The following ELMOD1 variants were observed in gnomAD, a reference collection of about 807,000 sequenced individuals.
The protein encoded by ELMOD1 is ELMO domain containing 1.
Under a neutral mutation model 46.7 loss-of-function variants are expected in ELMOD1, and 21 were observed. The ratio of observed to expected loss-of-function variants is 0.45; its 90% CI spans 0.32 to 0.65. The LOEUF (loss-of-function observed/expected upper bound fraction) is 0.65. ELMOD1 is among the 30% of genes least tolerant of loss of function. The pLI is 0.04. For synonymous variants in ELMOD1, 122 were observed against 138.2 expected (o/e 0.88, Z 0.82); for missense variants, 348 against 407.8 (o/e 0.85, Z 1.26).
In ELMOD1 at chr11:107,665,233, C is replaced by T; in HGVS notation, c.*36C>T. ...CGGTTTTAATGGATACCCTGGAACA[C>T]TGCCTCATTGTCTTGTTAGATCTCT... is the stretch of plus-strand genomic sequence containing the variant. On this transcript the variant is annotated 3_prime_UTR_variant, in exon 12 of 12. Coordinates refer to ENST00000265840, the MANE Select transcript of ELMOD1 (RefSeq NM_018712.4). 1 of 1,601,220 alleles carries T rather than the reference C, an allele frequency of 6.2e-7. No homozygotes were observed. Among genetic ancestry groups the T allele is most frequent in the Non-Finnish European group, 8.5e-7 (1 of 1,171,750 alleles).
chr11:107,647,297 T>A (rs1455621347), intron 6 of ELMOD1, among the ~76,000 whole-genome samples, 171 bp from the exon 7 acceptor site: 1 of 152,150 alleles, frequency 6.6e-6, no homozygotes, highest in Non-Finnish European at 1.5e-5. Context: ...TGAAAGATGA[T>A]CACATCTTTT....
At chr11:107,642,563 G>T (rs1047819550) in intron 6 of ELMOD1, among the ~76,000 whole-genome samples, 3 of 151,936 alleles carry the variant, frequency 2.0e-5, no homozygotes, top group Admixed American at 6.6e-5. Context: ...TAGAGACGGG[G>T]TTTCACCGTC....
intron 1 of ELMOD1, chr11:107,591,687 T>A: frequency 2.8e-6 from 1 of 363,470 alleles, no homozygotes; most frequent in Non-Finnish European, 5.7e-6. Context: ...TGTTTGCATC[T>A]CGGCCCGGGC....
chr11:107,602,280 T>A (rs1404934348), intron 1 of ELMOD1, among the ~76,000 whole-genome samples: 1 of 152,210 alleles, frequency 6.6e-6, no homozygotes, highest in African/African-American at 2.4e-5. Flanking sequence ...CTTGTGAAAT[T>A]TCATCATAAT....
intron 11 of ELMOD1, among the ~76,000 whole-genome samples, chr11:107,661,491 A>G (rs1213185493): frequency 6.6e-6 from 1 of 152,356 alleles, no homozygotes; most frequent in East Asian, 1.9e-4. Context: ...ATGAAATACT[A>G]ATGAGATGCA....
chr11:107,644,439 C>T lies in ELMOD1; in HGVS notation c.421-3029C>T, dbSNP rs1430235694. Among the ~76,000 whole-genome samples, 5 of 152,114 alleles carry T rather than the reference C, an allele frequency of 3.3e-5. No homozygotes were observed. The East Asian group carries it at 9.6e-4, about 29-fold the overall frequency. On this transcript the variant is annotated intron_variant, in intron 6 of 11. Coordinates refer to ENST00000265840, the MANE Select transcript of ELMOD1 (RefSeq NM_018712.4). ...AGCGCCTGCTTTTGCCATCTTGCTGCACTCACTCGATGAAACAAGATATAT... is the reference window on the plus strand; with the variant it reads ...AGCGCCTGCTTTTGCCATCTTGCTGTACTCACTCGATGAAACAAGATATAT...
At chr11:107,617,084 A>G (rs1865875030) in intron 1 of ELMOD1, among the ~76,000 whole-genome samples, 1 of 152,212 alleles carries the variant, frequency 6.6e-6, no homozygotes, top group African/African-American at 2.4e-5. Context: ...CAAAGTTGAG[A>G]AGATCATTTT....
rs186864235 is a variant in ELMOD1, at chr11:107,625,283, T to C, written c.18-5134T>C. ...GGACATTGAGCCGCTTGCTCTTCTT[T>C]ATGACATTTAGATGAAAAGTATTTC... On this transcript the variant is annotated intron_variant, in intron 2 of 11. Coordinates refer to ENST00000265840, the MANE Select transcript of ELMOD1 (RefSeq NM_018712.4). 2.8e-5 allele frequency: 17 copies of C among 616,198 alleles called. 1 individual carries two copies. In the East Asian group the frequency reaches 2.4e-3, roughly 86 times the overall value. The allele number at this position is 616,198 out of a possible 1,614,324, so 38.2% of individuals were successfully genotyped here.
chr11:107,631,397 A>C (rs1180819387), intron 4 of ELMOD1, among the ~76,000 whole-genome samples, 183 bp from the exon 5 acceptor site: 368 of 133,474 alleles, frequency 2.8e-3, no homozygotes, highest in African/African-American at 5.3e-3. Flanking sequence ...AAATTGCACT[A>C]CCCCCCCCCC....
intron 1 of ELMOD1, chr11:107,592,475 T>A: frequency 1.9e-6 from 1 of 533,044 alleles, no homozygotes; most frequent in South Asian, 1.4e-5. Flanking sequence ...CGTCCTTAAC[T>A]GGTGCTGCCA....
At chr11:107,631,786 A>C in intron 5 of ELMOD1, 109 bp downstream of exon 5, 1 of 545,950 alleles carries the variant, frequency 1.8e-6, no homozygotes, top group Non-Finnish European at 3.1e-6. Context: ...CCCTAAAATA[A>C]TCATCTGCCA....
chr11:107,601,617 C>T (rs1271573232), intron 1 of ELMOD1, among the ~76,000 whole-genome samples: 2 of 151,584 alleles, frequency 1.3e-5, no homozygotes, highest in Non-Finnish European at 2.9e-5. Context: ...GGTTTTGCCA[C>T]GTTGCCCAAT....
At chr11:107,631,796 A>G in intron 5 of ELMOD1, 119 bp downstream of exon 5, 1 of 534,162 alleles carries the variant, frequency 1.9e-6, no homozygotes, top group Non-Finnish European at 3.2e-6. Context: ...ATCATCTGCC[A>G]TGTTTTGACT....
At chr11:107,659,786 G>T (rs771215493) in intron 11 of ELMOD1, among the ~76,000 whole-genome samples, 1 of 152,060 alleles carries the variant, frequency 6.6e-6, no homozygotes, top group Admixed American at 6.6e-5. Flanking sequence ...CTTAGGCCAG[G>T]CGCGGTGGCT....
intron 1 of ELMOD1, among the ~76,000 whole-genome samples, chr11:107,606,629 G>A (rs918509609): frequency 6.6e-6 from 1 of 152,220 alleles, no homozygotes; most frequent in African/African-American, 2.4e-5. Context: ...GAGGTCAGGA[G>A]TTCAAGACCA....
chr11:107,661,434 A>G (rs571112795), intron 11 of ELMOD1, among the ~76,000 whole-genome samples: 25 of 152,338 alleles, frequency 1.6e-4, no homozygotes, highest in African/African-American at 5.3e-4. Flanking sequence ...ATGATTTTTC[A>G]TATTGCCTGT....
chr11:107,612,378 A>G (rs879868958), intron 1 of ELMOD1, among the ~76,000 whole-genome samples: 12 of 152,204 alleles, frequency 7.9e-5, no homozygotes, highest in Admixed American at 7.9e-4. Context: ...GGAGGGGAGC[A>G]AAGGTTGAAA....
chr11:107,605,273 C>T lies in ELMOD1; in HGVS notation c.-85-12832C>T, dbSNP rs187160498. On this transcript the variant is annotated intron_variant, in intron 1 of 11. Coordinates refer to ENST00000265840, the MANE Select transcript of ELMOD1 (RefSeq NM_018712.4). ...GGAGTGCAGTGGCGCAATCTTGACCCGCTGCAGCCTTGACATATTGGGCTC... is the reference window on the plus strand; with the variant it reads ...GGAGTGCAGTGGCGCAATCTTGACCTGCTGCAGCCTTGACATATTGGGCTC... Among the ~76,000 whole-genome samples the T allele has an allele frequency of 2.9e-3, 444 of 151,432 alleles. 8 individuals are homozygous for T. The highest frequency in any genetic ancestry group is 0.01 in the African/African-American group (424 of 41,256).
chr11:107,634,715 T>G (rs1475033539), intron 5 of ELMOD1, among the ~76,000 whole-genome samples: 6 of 152,170 alleles, frequency 3.9e-5, no homozygotes, highest in Non-Finnish European at 8.8e-5. Context: ...CACTCCAGCC[T>G]GGGTAACAGA....
Sources: gnomAD v4.1 joint callset for allele counts (sites outside exome capture counted in the v4.1 genomes callset) on GRCh38, gnomAD v4.1.1 for gene constraint, MANE v1.5 for transcripts, NCBI Gene and HGNC (gene_info 2026-07-23, HGNC 2026-07-21) for gene names.